DPP6: variants seen among roughly 807,000 people sequenced by gnomAD.
DPP6 encodes A-type potassium channel modulatory protein DPP6.
DPP6 carries 69 observed loss-of-function variants against 122.6 expected under a neutral mutation model. The observed-to-expected ratio is 0.56, with a 90% CI of 0.46 to 0.69. The LOEUF (loss-of-function observed/expected upper bound fraction) is 0.69. Ranked by LOEUF, DPP6 falls within the 30% of genes least tolerant of loss-of-function variation. The pLI is 0.00. For missense variants in DPP6, 928 were observed against 1,116.9 expected, an observed-to-expected ratio of 0.83 and a Z score of 2.41; for synonymous variants, 418 against 433.1, an observed-to-expected ratio of 0.97 and a Z score of 0.43.
At chr7:153,871,474 T>C in the DPP6 span, among the ~76,000 whole-genome samples, 6 of 152,214 alleles carry the variant, frequency 3.9e-5, no homozygotes, top group Admixed American at 2.0e-4. Flanking sequence ...AATCTCCTGG[T>C]GTATGGTTTG....
intron 8 of DPP6, among the ~76,000 whole-genome samples, chr7:154,768,467 T>G (rs552024480): frequency 3.9e-4 from 60 of 152,316 alleles, no homozygotes; most frequent in African/African-American, 1.1e-3. Flanking sequence ...ATGAATTATA[T>G]TAATCATTAT....
At chr7:154,456,526 G>C (rs890475007) in intron 2 of DPP6, among the ~76,000 whole-genome samples, 2 of 151,584 alleles carry the variant, frequency 1.3e-5, no homozygotes, top group African/African-American at 4.8e-5. Context: ...TTGGAAATGG[G>C]AGAAAGGCCT....
At chr7:153,862,839 C>T in the DPP6 span, among the ~76,000 whole-genome samples, 33 of 151,908 alleles carry the variant, frequency 2.2e-4, no homozygotes, top group African/African-American at 8.0e-4. Context: ...AACAACAAAT[C>T]GGTAACATAT....
At chr7:154,710,037 G>A (rs998948471) in intron 7 of DPP6, among the ~76,000 whole-genome samples, 4 of 152,212 alleles carry the variant, frequency 2.6e-5, no homozygotes, top group Non-Finnish European at 4.4e-5. Context: ...GCAGGGTGAC[G>A]TCACACATGT....
Position 154,061,597 on chromosome 7 carries a change from G to A in DPP6, c.243+8534G>A, listed in dbSNP as rs180721441. ...GAGATCCATCCCCTCTTCCCCCCTGGCTCTTGGGACTCCCATCACAGGGGG... is the reference window on the plus strand; with the variant it reads ...GAGATCCATCCCCTCTTCCCCCCTGACTCTTGGGACTCCCATCACAGGGGG... On this transcript the variant is annotated intron_variant, in intron 1 of 25. Transcript: ENST00000377770. Among the ~76,000 whole-genome samples the A allele has an allele frequency of 1.7e-3, 242 of 145,338 alleles. 28 individuals are homozygous for A. The highest frequency in any genetic ancestry group is 0.014 in the Middle Eastern group (4 of 284).
chr7:154,583,953 C>T (rs979588015), intron 5 of DPP6, among the ~76,000 whole-genome samples: 1 of 152,182 alleles, frequency 6.6e-6, no homozygotes, highest in Non-Finnish European at 1.5e-5. Context: ...GACCTTCTGT[C>T]TCCCTGGCCC....
chr7:153,979,587 T>C (rs1376365855), intron 1 of DPP6, among the ~76,000 whole-genome samples: 9 of 152,344 alleles, frequency 5.9e-5, no homozygotes. Flanking sequence ...CTATGTTGAA[T>C]AGGAGTGGTG....
intron 1 of DPP6, among the ~76,000 whole-genome samples, chr7:154,137,667 T>TG (rs1563237188): frequency 1.0e-4 from 3 of 29,242 alleles, no homozygotes; most frequent in African/African-American, 1.4e-4. Flanking sequence ...GTGGGGGGGG[T>TG]GGGGCGAGCT....
chr7:154,793,796 GC>G, intron 10 of DPP6: 2 of 325,200 alleles, frequency 6.2e-6, no homozygotes, highest in Non-Finnish European at 1.1e-5. Flanking sequence ...CCACGGAGCA[GC>G]CCCCACACCC....
intron 1 of DPP6, among the ~76,000 whole-genome samples, chr7:154,032,471 C>G (rs1162303155): frequency 3.3e-5 from 5 of 152,058 alleles, no homozygotes; most frequent in Non-Finnish European, 2.9e-5. Context: ...CAAGACAATT[C>G]CCCAGTAAAA....
chr7:154,693,265 G>A (rs1249877686), intron 7 of DPP6, among the ~76,000 whole-genome samples: 2 of 152,154 alleles, frequency 1.3e-5, no homozygotes, highest in Non-Finnish European at 2.9e-5. Flanking sequence ...GGAAGCAAAC[G>A]CTGACGTGGC....
intron 1 of DPP6, among the ~76,000 whole-genome samples, chr7:153,990,891 C>T (rs557203785): frequency 9.8e-5 from 15 of 152,342 alleles, no homozygotes; most frequent in Non-Finnish European, 1.9e-4. Flanking sequence ...CTCTTATTTG[C>T]TGGAAGTCTG....
In DPP6 at chr7:154,863,096, C is replaced by G. The variant is rs764005185; in HGVS notation, c.1715-4899C>G. ...ACATTTTTCTTTGGAGAGATCAGGTCTCCCTATGTTGCCCAGGCTGGTCTC... is the reference window on the plus strand; with the variant it reads ...ACATTTTTCTTTGGAGAGATCAGGTGTCCCTATGTTGCCCAGGCTGGTCTC... On this transcript the variant is annotated intron_variant, in intron 17 of 25. Coordinates refer to ENST00000377770, the MANE Select transcript of DPP6 (RefSeq NM_130797.4). This position sits in a 1 kb window ranked among gnomAD's most constrained non-coding sequence, Gnocchi z 4.1. Among the ~76,000 whole-genome samples the G allele has an allele frequency of 2.6e-5, 4 of 152,002 alleles. No homozygotes were observed. The highest frequency in any genetic ancestry group is 6.6e-5 in the Admixed American group (1 of 15,262).
intron 8 of DPP6, among the ~76,000 whole-genome samples, chr7:154,753,575 T>C (rs1005730223): frequency 1.3e-5 from 2 of 152,228 alleles, no homozygotes; most frequent in African/African-American, 2.4e-5. Context: ...TGGGGCCATC[T>C]GGGTGTGGGG....
intron 1 of DPP6, among the ~76,000 whole-genome samples, chr7:154,020,111 A>C (rs867188573): frequency 1.3e-5 from 2 of 150,630 alleles, no homozygotes; most frequent in African/African-American, 2.4e-5. Flanking sequence ...CACACACACA[A>C]ACACACACAC....
At chr7:154,462,203 CT>C (rs1448088123) in intron 2 of DPP6, among the ~76,000 whole-genome samples, 2 of 152,302 alleles carry the variant, frequency 1.3e-5, no homozygotes, top group East Asian at 3.9e-4. Context: ...GTTCTCTATT[CT>C]GTTCCATTGC....
At chr7:153,861,132 T>G in the DPP6 span, among the ~76,000 whole-genome samples, 5 of 152,224 alleles carry the variant, frequency 3.3e-5, no homozygotes, top group African/African-American at 1.2e-4. Flanking sequence ...TAGAAACTTT[T>G]GGGTTAATTA....
At chr7:154,032,225 A>G (rs1250679984) in intron 1 of DPP6, among the ~76,000 whole-genome samples, 1 of 152,086 alleles carries the variant, frequency 6.6e-6, no homozygotes, top group Non-Finnish European at 1.5e-5. Flanking sequence ...TTGACAGGCA[A>G]GTCAAGGGAG....
intron 10 of DPP6, among the ~76,000 whole-genome samples, chr7:154,779,140 C>A (rs1285924624): frequency 3.3e-4 from 23 of 68,844 alleles, no homozygotes; most frequent in East Asian, 8.3e-4. Context: ...CCGCTATCAC[C>A]ACCACCCCCA....
Sources: gnomAD v4.1 joint callset for allele counts (sites outside exome capture counted in the v4.1 genomes callset) on GRCh38, gnomAD v4.1.1 for gene constraint, Gnocchi (gnomAD v3.1) non-coding constraint, MANE v1.5 for transcripts, NCBI Gene and HGNC (gene_info 2026-07-23, HGNC 2026-07-21) for gene names.